The following PDE8A variants were observed in gnomAD, a reference collection of about 807,000 sequenced individuals.
PDE8A encodes the protein phosphodiesterase 8A.
A neutral mutation model predicts 105.0 loss-of-function variants in PDE8A; 59 were observed. That is an observed-to-expected ratio of 0.56 (90% CI 0.46 to 0.70). PDE8A has a LOEUF of 0.70. Ranked by LOEUF, PDE8A falls within the 30% of genes least tolerant of loss-of-function variation. The pLI is 0.00. For synonymous variants in PDE8A, 355 were observed against 371.9 expected (o/e 0.95, Z 0.52); for missense variants, 1,014 against 1,045.9 (o/e 0.97, Z 0.42).
rs2082086102 is a variant in PDE8A, at chr15:85,115,750, T to G, written c.1400-234T>G. On this transcript the variant is annotated intron_variant, in intron 15 of 21. Transcript: ENST00000394553. ...GCCTGGCCAACATGGCAAAATCCTG[T>G]CTCTACTGAAAATACAAAAAATTAG... The G allele has an allele frequency of 5.5e-6, 3 of 541,048 alleles. No homozygotes were observed. The South Asian group carries it at 7.1e-5, about 13-fold the overall frequency. The allele number at this position is 541,048 out of a possible 1,614,324, so 33.5% of individuals were successfully genotyped here.
intron 7 of PDE8A, chr15:85,090,619 C>T: frequency 3.3e-6 from 1 of 299,498 alleles, no homozygotes; most frequent in South Asian, 2.7e-5. Context: ...AAGTGACTTG[C>T]TGAGGTCAAT....
intron 20 of PDE8A, among the ~76,000 whole-genome samples, chr15:85,134,768 TAGAG>T (rs2082380351): frequency 6.6e-6 from 1 of 152,066 alleles, no homozygotes; most frequent in Admixed American, 6.5e-5. Flanking sequence ...TTCTCTCAAG[TAGAG>T]AGCCCATATG....
intron 5 of PDE8A, among the ~76,000 whole-genome samples, chr15:85,080,319 C>A (rs1463449008): frequency 4.6e-5 from 7 of 152,140 alleles, no homozygotes; most frequent in Admixed American, 2.6e-4. Flanking sequence ...TGTATGAGAA[C>A]AGTTTACTTA....
At chr15:84,981,509 G>T (rs2079706995), upstream of PDE8A, among the ~76,000 whole-genome samples, 1 of 152,158 alleles carries the variant, frequency 6.6e-6, no homozygotes, top group Non-Finnish European at 1.5e-5. Flanking sequence ...CCTGGCGGAC[G>T]TGGCCCGGCC....
chr15:84,982,352 A>AG lies in PDE8A; in HGVS notation c.186+8dup. On this transcript the variant is annotated splice_donor_region_variant and intron_variant, in intron 1 of 21. Transcript: ENST00000394553. Reference sequence around the variant, plus strand: ...TCGCGACGGCAGCGGCAAGAAGGTAAGGGGCGCCGGGCACTCTGGGGCCGC... The same window carrying AG: ...TCGCGACGGCAGCGGCAAGAAGGTAAGGGGGCGCCGGGCACTCTGGGGCCGC... 7.6e-7 allele frequency: 1 copy of AG among 1,322,754 alleles called. No individual in the cohort carries two copies. Among genetic ancestry groups the AG allele is most frequent in the Non-Finnish European group, 9.6e-7 (1 of 1,039,006 alleles). The allele number at this position is 1,322,754 out of a possible 1,614,324, so 81.9% of individuals were successfully genotyped here.
intron 1 of PDE8A, among the ~76,000 whole-genome samples, chr15:85,013,281 C>T (rs536890841): frequency 3.3e-5 from 5 of 152,174 alleles, no homozygotes; most frequent in African/African-American, 1.2e-4. Flanking sequence ...GTGGAAAGAA[C>T]AGAGACTTCC....
intron 1 of PDE8A, among the ~76,000 whole-genome samples, chr15:84,999,547 C>T (rs914296781): frequency 8.3e-6 from 1 of 120,358 alleles, no homozygotes; most frequent in African/African-American, 3.7e-5. Flanking sequence ...CATGGCCTCC[C>T]TTTTTTGTTG....
chr15:85,113,298 G>T, intron 12 of PDE8A, 79 bp from the exon 13 acceptor site: 2 of 1,150,202 alleles, frequency 1.7e-6, no homozygotes, highest in Non-Finnish European at 2.6e-6. Context: ...TCATGCAGCC[G>T]AGCACACTGA....
Position 85,137,850 on chromosome 15 carries a change from T to TGGAAA in PDE8A, c.2441_2445dup (p.Leu816LysfsTer6), listed in dbSNP as rs1567311576. ...GCATCTTGACAACAACTTTAAATACTGGAAAGGACTGGACGAAATGAAGCT... is the reference window on the plus strand; with the variant it reads ...GCATCTTGACAACAACTTTAAATACTGGAAAGGAAAGGACTGGACGAAATGAAGCT... On this transcript the variant is annotated frameshift_variant, in exon 22 of 22. Transcript: ENST00000394553. LOFTEE classifies it high-confidence loss of function. The TGGAAA allele has an allele frequency of 9.3e-6, 15 of 1,613,810 alleles. No homozygotes were observed. The highest frequency in any genetic ancestry group is 1.3e-5 in the African/African-American group (1 of 75,050).
intron 1 of PDE8A, among the ~76,000 whole-genome samples, chr15:85,027,498 T>C (rs1471484947): frequency 6.6e-6 from 1 of 152,188 alleles, no homozygotes; most frequent in Non-Finnish European, 1.5e-5. Context: ...AGACATGCTA[T>C]GTGTGTTGCC....
intron 1 of PDE8A, among the ~76,000 whole-genome samples, chr15:85,040,706 G>A (rs905580468): frequency 1.7e-4 from 26 of 151,742 alleles, no homozygotes; most frequent in African/African-American, 3.9e-4. Context: ...GACTACAGGC[G>A]CCCACCATCA....
intron 1 of PDE8A, among the ~76,000 whole-genome samples, chr15:85,031,239 C>T (rs2080610067): frequency 6.6e-6 from 1 of 152,226 alleles, no homozygotes; most frequent in East Asian, 1.9e-4. Flanking sequence ...GGATAAGTGA[C>T]TAGCCTAGGC....
At chr15:85,124,685 G>T (rs1220796115) in intron 19 of PDE8A, among the ~76,000 whole-genome samples, 1 of 152,098 alleles carries the variant, frequency 6.6e-6, no homozygotes, top group Non-Finnish European at 1.5e-5. Context: ...TTGTCAGCCT[G>T]CCCCTGACTT....
intron 1 of PDE8A, among the ~76,000 whole-genome samples, chr15:85,037,135 G>A (rs2080721177): frequency 6.8e-6 from 1 of 147,764 alleles, no homozygotes; most frequent in Admixed American, 6.8e-5. Context: ...GCGCAATCTT[G>A]GCTCACTGCA....
At chr15:85,100,269 A>G (rs779109428) in intron 11 of PDE8A, 71 bp downstream of exon 11, 18 of 1,330,848 alleles carry the variant, frequency 1.4e-5, no homozygotes, top group Non-Finnish European at 1.9e-5. Context: ...CAGATCTTTA[A>G]CTAGCTTGCC....
intron 1 of PDE8A, among the ~76,000 whole-genome samples, chr15:85,061,977 G>C (rs2081153049): frequency 6.6e-6 from 1 of 151,876 alleles, no homozygotes; most frequent in African/African-American, 2.4e-5. Flanking sequence ...TCTTTACTTA[G>C]ATTTTCATGT....
intron 5 of PDE8A, among the ~76,000 whole-genome samples, chr15:85,077,230 G>A (rs2081392892): frequency 6.6e-6 from 1 of 152,090 alleles, no homozygotes; most frequent in South Asian, 2.1e-4. Flanking sequence ...AACTTTTTAA[G>A]CTAGTTCAAG....
At chr15:85,006,283 A>AAAG (rs1470142955) in intron 1 of PDE8A, among the ~76,000 whole-genome samples, 2 of 152,098 alleles carry the variant, frequency 1.3e-5, no homozygotes, top group Non-Finnish European at 2.9e-5. Context: ...AATAATAATA[A>AAAG]AAGAAAGTAT....
chr15:85,100,340 C>T, intron 11 of PDE8A, 142 bp downstream of exon 11: 1 of 719,108 alleles, frequency 1.4e-6, no homozygotes, highest in South Asian at 1.8e-5. Context: ...ACTCCCCAGG[C>T]TGGCTTATGA....
Sources: allele counts gnomAD v4.1 joint callset (sites outside exome capture counted in the v4.1 genomes callset), GRCh38; gene constraint gnomAD v4.1.1; transcripts MANE v1.5; gene names NCBI Gene and HGNC (gene_info 2026-07-23, HGNC 2026-07-21).